The following LHPP variants were observed in gnomAD, a reference collection of about 807,000 sequenced individuals.
The protein encoded by LHPP is phospholysine phosphohistidine inorganic pyrophosphate phosphatase, also known as hLHPP.
Under a neutral mutation model 30.3 loss-of-function variants are expected in LHPP, and 24 were observed. The ratio of observed to expected loss-of-function variants is 0.79; its 90% CI spans 0.57 to 1.11. LHPP has a LOEUF of 1.11. Ranked by LOEUF, LHPP falls within the 50% of genes most tolerant of loss-of-function variation. The pLI is 0.00. For synonymous variants in LHPP, 150 were observed against 157.1 expected, an observed-to-expected ratio of 0.95 and a Z score of 0.34; for missense variants, 356 against 367.2, an observed-to-expected ratio of 0.97 and a Z score of 0.25.
At chr10:124,601,396 G>C (rs1564848475) in intron 6 of LHPP, among the ~76,000 whole-genome samples, 1 of 152,224 alleles carries the variant, frequency 6.6e-6, no homozygotes, top group Non-Finnish European at 1.5e-5. Context: ...TGACCGGGGG[G>C]CCTTACGTAC....
At chr10:124,480,223 C>A (rs1413463697) in intron 1 of LHPP, among the ~76,000 whole-genome samples, 1 of 152,118 alleles carries the variant, frequency 6.6e-6, no homozygotes, top group South Asian at 2.1e-4. Flanking sequence ...GGGTGTGGTC[C>A]GGGGCGCAGA....
chr10:124,577,613 C>G, intron 6 of LHPP, among the ~76,000 whole-genome samples: 1 of 101,116 alleles, frequency 9.9e-6, no homozygotes, highest in South Asian at 4.2e-4. Context: ...CTGTGGTCAT[C>G]TCTCCTTCCC....
At chr10:124,497,999 T>C in intron 4 of LHPP, 37 bp from the exon 5 acceptor site, 2 of 1,548,950 alleles carry the variant, frequency 1.3e-6, no homozygotes, top group Non-Finnish European at 1.8e-6. Context: ...TGTTCCTTGA[T>C]CCCAAACTTA....
At chr10:124,610,993 TGAGG>T (rs1564853274) in intron 6 of LHPP, among the ~76,000 whole-genome samples, 1 of 89,090 alleles carries the variant, frequency 1.1e-5, no homozygotes, top group East Asian at 4.0e-4. Context: ...GTGGAGCGGG[TGAGG>T]GTGTTAATGA....
In LHPP at chr10:124,507,066, G is replaced by A. The variant is rs1366495301; in HGVS notation, c.624+8938G>A. ...GGTAGGGAGGATTTCAGGTGTAGGG[G>A]TAGACAGGATTTCAGGTGGGGGGGT... On this transcript the variant is annotated intron_variant, in intron 5 of 6. Coordinates refer to ENST00000368842, the MANE Select transcript of LHPP (RefSeq NM_022126.4). Among the ~76,000 whole-genome samples, 23 of 19,922 alleles carry A rather than the reference G, an allele frequency of 1.2e-3. 4 individuals carry two copies. Among genetic ancestry groups the A allele is most frequent in the African/African-American group, 8.0e-3 (21 of 2,630 alleles). 13.1% of individuals were successfully genotyped at this position (19,922 alleles called of 152,430 possible). A position where few individuals can be genotyped will look rare whatever the true frequency, so the allele number is the denominator to read the frequency against.
intron 6 of LHPP, among the ~76,000 whole-genome samples, chr10:124,544,576 G>A: frequency 6.6e-6 from 1 of 152,188 alleles, no homozygotes; most frequent in Non-Finnish European, 1.5e-5. Flanking sequence ...TCCACCTCTG[G>A]GCCAACAGTC....
At position 124,471,699 on chromosome 10, in the gene LHPP, TTATATATATTTGTATATATATTTATGTA is replaced by T. The variant is rs751030149; in HGVS notation, c.125+9736_125+9763del. ...TATTTGTATATATATTTATGTATAT[TTATATATATTTGTATATATATTTATGTA>T]TATATATATTTGTATATATATTTGT... On this transcript the variant is annotated intron_variant, in intron 1 of 6. Coordinates refer to ENST00000368842, the MANE Select transcript of LHPP (RefSeq NM_022126.4). Among the ~76,000 whole-genome samples, 166 of 94,542 alleles carry T rather than the reference TTATATATATTTGTATATATATTTATGTA, an allele frequency of 1.8e-3. 1 individual carries two copies. The highest frequency in any genetic ancestry group is 2.2e-3 in the African/African-American group (62 of 27,678). 62.0% of individuals were successfully genotyped at this position (94,542 alleles called of 152,430 possible). A position where few individuals can be genotyped will look rare whatever the true frequency, so the allele number is the denominator to read the frequency against.
chr10:124,558,153 C>T (rs1948334002), intron 6 of LHPP, among the ~76,000 whole-genome samples: 1 of 152,130 alleles, frequency 6.6e-6, no homozygotes, highest in South Asian at 2.1e-4. Context: ...GGAAAGGCCA[C>T]TTCCTAGTGG....
chr10:124,550,427 C>T (rs547211369), intron 6 of LHPP, among the ~76,000 whole-genome samples: 1 of 152,326 alleles, frequency 6.6e-6, no homozygotes, highest in South Asian at 2.1e-4. Context: ...GCTGCCCCTG[C>T]GCCTTGTGGC....
chr10:124,612,286 G>C (rs575963895), intron 6 of LHPP, among the ~76,000 whole-genome samples: 1 of 152,246 alleles, frequency 6.6e-6, no homozygotes, highest in East Asian at 1.9e-4. Flanking sequence ...GGTGCCTGTA[G>C]TCCCAGCTAC....
Position 124,488,510 on chromosome 10 carries a change from C to T in LHPP, c.402C>T (p.Asn134=), listed in dbSNP as rs747119412. 1.2e-6 allele frequency: 2 copies of T among 1,613,974 alleles called. No homozygotes were observed. Among genetic ancestry groups the T allele is most frequent in the South Asian group, 1.1e-5 (1 of 91,064 alleles). ...ADAGESFSYQ[N]MNNAFQVLME... ...CAGGAGAAAGCTTTTCTTATCAAAACATGAATAACGCCTTCCAGGTGCTCA... is the reference window on the plus strand; with the variant it reads ...CAGGAGAAAGCTTTTCTTATCAAAATATGAATAACGCCTTCCAGGTGCTCA... Residue 134 remains asparagine (N), a synonymous_variant, in exon 3 of 7, where the codon AAC becomes AAT. Coordinates refer to ENST00000368842, the MANE Select transcript of LHPP (RefSeq NM_022126.4).
chr10:124,515,879 T>A (rs577014937), intron 5 of LHPP, among the ~76,000 whole-genome samples: 1 of 152,278 alleles, frequency 6.6e-6, no homozygotes, highest in African/African-American at 2.4e-5. Flanking sequence ...GCTCAGGGAG[T>A]TTCCTCCCTC....
intron 6 of LHPP, among the ~76,000 whole-genome samples, chr10:124,522,726 C>G (rs889839842): frequency 3.1e-5 from 4 of 127,636 alleles, no homozygotes; most frequent in African/African-American, 8.2e-5. Context: ...TGCCCACGCC[C>G]CCCCCCAAGC....
chr10:124,569,992 C>T (rs1446027254), intron 6 of LHPP, among the ~76,000 whole-genome samples: 1 of 152,160 alleles, frequency 6.6e-6, no homozygotes, highest in Non-Finnish European at 1.5e-5. Context: ...CCTGCCCTGA[C>T]TTGCAGTGTA....
chr10:124,611,095 T>G (rs1267670083), intron 6 of LHPP, among the ~76,000 whole-genome samples: 1 of 151,690 alleles, frequency 6.6e-6, no homozygotes, highest in Non-Finnish European at 1.5e-5. Context: ...AGGCTCCTAC[T>G]TTGGTGTGTG....
chr10:124,537,454 G>A (rs1031703757), intron 6 of LHPP, among the ~76,000 whole-genome samples: 1 of 152,246 alleles, frequency 6.6e-6, no homozygotes, highest in Non-Finnish European at 1.5e-5. Context: ...TGCCATTGGC[G>A]ATGCGGGGAG....
intron 1 of LHPP, among the ~76,000 whole-genome samples, chr10:124,464,159 G>A (rs549829966): frequency 2.8e-4 from 42 of 152,280 alleles, no homozygotes; most frequent in African/African-American, 9.6e-4. Context: ...CACTGGACCT[G>A]GGCTTTGTAA....
chr10:124,530,091 G>A, intron 6 of LHPP, among the ~76,000 whole-genome samples: 1 of 152,126 alleles, frequency 6.6e-6, no homozygotes, highest in East Asian at 1.9e-4. Context: ...CCAATGCGGG[G>A]AGGGAGGAAC....
At chr10:124,462,112 C>T (rs61861918) in intron 1 of LHPP, 125 bp downstream of exon 1, 317,797 of 898,870 alleles carry the variant, frequency 0.35, 57,105 homozygotes, top group East Asian at 0.43. Flanking sequence ...CGGTCTCCCC[C>T]TTCCCACCCC....
Sources: allele counts gnomAD v4.1 joint callset (sites outside exome capture counted in the v4.1 genomes callset), GRCh38; gene constraint gnomAD v4.1.1; transcripts MANE v1.5; gene names NCBI Gene and HGNC (gene_info 2026-07-23, HGNC 2026-07-21).